Variants in USP34 observed in about 807,000 individuals in gnomAD.
The protein encoded by USP34 is ubiquitin carboxyl-terminal hydrolase 34.
Under a neutral mutation model 460.3 loss-of-function variants are expected in USP34, and 70 were observed. The ratio of observed to expected loss-of-function variants is 0.15; its 90% CI spans 0.13 to 0.19. USP34 has a LOEUF of 0.19. Among genes scored for constraint, USP34 ranks in the 10% least tolerant of loss-of-function variants. USP34 has a pLI of 1.00. For synonymous variants in USP34, 1,647 were observed against 1,405.3 expected (o/e 1.17, Z -3.85); for missense variants, 3,985 against 4,236.2 (o/e 0.94, Z 1.65).
chr2:61,331,187 A>G (rs1572941115), intron 20 of USP34, 89 bp downstream of exon 20: 3 of 1,086,268 alleles, frequency 2.8e-6, no homozygotes, highest in African/African-American at 1.6e-5. Flanking sequence ...ATTACTTATT[A>G]TATGAAAAAA....
At position 61,407,668 on chromosome 2, in the gene USP34, G is replaced by A. The variant is rs1693917887; in HGVS notation, c.132-1540C>T. Among the ~76,000 whole-genome samples the A allele has an allele frequency of 2.6e-5, 4 of 152,206 alleles. No homozygotes were observed. The South Asian group carries it at 8.3e-4, about 32-fold the overall frequency. ...TAGAAAGTGGTGGAAGTGACAATGT[G>A]TGACATCTGAGACTAGGTCATAAAA... On this transcript the variant is annotated intron_variant, in intron 2 of 79. Transcript: ENST00000398571.
intron 1 of USP34, among the ~76,000 whole-genome samples, chr2:61,456,906 G>C (rs1448721655): frequency 6.6e-6 from 1 of 152,086 alleles, no homozygotes; most frequent in East Asian, 1.9e-4. Context: ...TGGCCCACCT[G>C]GGACGTTGAG....
At chr2:61,419,429 A>C (rs1573022865) in intron 2 of USP34, among the ~76,000 whole-genome samples, 1 of 152,066 alleles carries the variant, frequency 6.6e-6, no homozygotes, top group Admixed American at 6.5e-5. Flanking sequence ...TTACTGCCTA[A>C]AACTGCACAT....
intron 1 of USP34, among the ~76,000 whole-genome samples, chr2:61,429,118 G>A (rs1168366358): frequency 1.3e-5 from 2 of 152,126 alleles, no homozygotes; most frequent in Non-Finnish European, 2.9e-5. Context: ...CTGGGCAACA[G>A]TACAAGACAC....
At chr2:61,259,330 C>T (rs974045622) in intron 44 of USP34, among the ~76,000 whole-genome samples, 5 of 151,950 alleles carry the variant, frequency 3.3e-5, no homozygotes, top group African/African-American at 9.6e-5. Context: ...CCAGTTCAAA[C>T]GAGCTCCATT....
chr2:61,201,365 G>C (rs1053260124), intron 75 of USP34, among the ~76,000 whole-genome samples: 9 of 151,894 alleles, frequency 5.9e-5, no homozygotes, highest in African/African-American at 2.2e-4. Context: ...CTACAGGCAC[G>C]TACCACCATG....
Position 61,280,277 on chromosome 2 carries a change from T to G in USP34, c.5223A>C (p.Leu1741Phe), listed in dbSNP as rs747375597. 2.1e-5 allele frequency: 33 copies of G among 1,564,500 alleles called. No homozygotes were observed. Among genetic ancestry groups the G allele is most frequent in the Non-Finnish European group, 2.7e-5 (31 of 1,156,534 alleles). ...CKEYFWLLCK[L>F]VDNIHIKDAS... is the part of the protein sequence containing the mutation. ...CGTCCTTTATATGTATGTTGTCAAC[T>G]AATTTGCATAACAACCAAAAATACT... is the stretch of plus-strand genomic sequence containing the variant. Residue 1741 changes from leucine to phenylalanine, a missense_variant, in exon 39 of 80, where the codon TTA (leucine) becomes TTC (phenylalanine). Coordinates refer to ENST00000398571, the MANE Select transcript of USP34 (RefSeq NM_014709.4).
At chr2:61,344,684 T>A (rs1476745141) in intron 15 of USP34, among the ~76,000 whole-genome samples, 1 of 152,228 alleles carries the variant, frequency 6.6e-6, no homozygotes, top group Non-Finnish European at 1.5e-5. Flanking sequence ...ATTTGCAGTG[T>A]ACCAAACTGA....
Position 61,276,958 on chromosome 2 carries a change from C to A in USP34, c.5433+1207G>T, listed in dbSNP as rs79231680. On this transcript the variant is annotated intron_variant, in intron 41 of 79. Coordinates refer to ENST00000398571, the MANE Select transcript of USP34 (RefSeq NM_014709.4). Reference sequence around the variant, plus strand: ...AAGGTAACAGCTCTCCAGACCATAACAAATTCCTACAATGACCAGGACAAA... The same window carrying A: ...AAGGTAACAGCTCTCCAGACCATAAAAAATTCCTACAATGACCAGGACAAA... Among the ~76,000 whole-genome samples, 537 of 152,268 alleles carry A rather than the reference C, an allele frequency of 3.5e-3. 2 individuals are homozygous for A. The highest frequency in any genetic ancestry group is 0.011 in the African/African-American group (446 of 41,548).
At chr2:61,435,446 T>G (rs1321384637) in intron 1 of USP34, among the ~76,000 whole-genome samples, 2 of 149,580 alleles carry the variant, frequency 1.3e-5, no homozygotes, top group East Asian at 3.9e-4. Flanking sequence ...TTAACAGAGT[T>G]AAAGTACTAA....
Position 61,241,882 on chromosome 2 carries a change from T to C in USP34, c.6628-63A>G. The C allele has an allele frequency of 5.9e-6, 5 of 854,642 alleles. No homozygotes were observed. The South Asian group carries it at 8.1e-5, about 14-fold the overall frequency. The allele number at this position is 854,642 out of a possible 1,614,324, so 52.9% of individuals were successfully genotyped here. A position where few individuals can be genotyped will look rare whatever the true frequency, so the allele number is the denominator to read the frequency against. ...ATGGGTATACTCAGCTATATTTATA[T>C]ATAAATTATTTCATAAACAGCTATT... is the stretch of plus-strand genomic sequence containing the variant. On this transcript the variant is annotated intron_variant, in intron 51 of 79. Coordinates refer to ENST00000398571, the MANE Select transcript of USP34 (RefSeq NM_014709.4).
intron 13 of USP34, 131 bp downstream of exon 13, chr2:61,349,119 A>G: frequency 8.6e-7 from 1 of 1,168,046 alleles, no homozygotes; most frequent in East Asian, 2.4e-5. Context: ...CGAATATGTT[A>G]AAGGTTTACA....
chr2:61,300,669 G>A lies in USP34; in HGVS notation c.4128+282C>T, dbSNP rs1477061742. The stretch of plus-strand genomic sequence containing the variant: ...AAATTAGCCAGGTGTGGTTGCACAC[G>A]CCGGTAATCCCAGCTACTTGGGAGG... On this transcript the variant is annotated intron_variant, in intron 29 of 79. Transcript: ENST00000398571. 7.3e-5 allele frequency among the ~76,000 whole-genome samples: 11 copies of A among 151,474 alleles called. No individual in the cohort carries two copies. In the South Asian group the frequency reaches 1.2e-3, roughly 17 times the overall value.
At chr2:61,265,684 A>G in intron 42 of USP34, 127 bp from the exon 43 acceptor site, 1 of 810,962 alleles carries the variant, frequency 1.2e-6, no homozygotes, top group Non-Finnish European at 1.7e-6. Context: ...ATTATATAGA[A>G]TTTTTTAAAT....
chr2:61,435,649 T>C (rs976843463), intron 1 of USP34, among the ~76,000 whole-genome samples: 1 of 152,104 alleles, frequency 6.6e-6, no homozygotes, highest in African/African-American at 2.4e-5. Context: ...ATGTAGTAAC[T>C]AAAAAACAAT....
intron 10 of USP34, among the ~76,000 whole-genome samples, chr2:61,353,394 GT>G (rs1028464455): frequency 5.9e-4 from 80 of 135,324 alleles, no homozygotes; most frequent in South Asian, 2.8e-3. Flanking sequence ...CTAGACGAAT[GT>G]TTTTTTTTTT....
In USP34 at chr2:61,471,015, A is replaced by G. The variant is rs1204894486; in HGVS notation, c.-323T>C. ...GGGGGCGGGTGGGGAGAGAAGCAGC[A>G]GAGTCACTTCACCGACCAGACGCCG... On this transcript the variant is annotated 5_prime_UTR_variant, in exon 1 of 80. Coordinates refer to ENST00000398571, the MANE Select transcript of USP34 (RefSeq NM_014709.4). Among the ~76,000 whole-genome samples the G allele has an allele frequency of 6.6e-6, 1 of 150,554 alleles. No individual in the cohort carries two copies. Among genetic ancestry groups the G allele is most frequent in the African/African-American group, 2.4e-5 (1 of 41,152 alleles).
chr2:61,387,305 G>A (rs201899897), intron 5 of USP34, among the ~76,000 whole-genome samples: 5 of 151,714 alleles, frequency 3.3e-5, no homozygotes, highest in Admixed American at 6.6e-5. Context: ...TCTACTAAAA[G>A]TACAAAAAAT....
At position 61,187,855 on chromosome 2, in the gene USP34, C is replaced by G; in HGVS notation, c.*247G>C. 1.6e-6 allele frequency: 2 copies of G among 1,283,132 alleles called. No individual in the cohort carries two copies. The highest frequency in any genetic ancestry group is 2.0e-6 in the Non-Finnish European group (2 of 997,594). The allele number at this position is 1,283,132 out of a possible 1,614,324, so 79.5% of individuals were successfully genotyped here. On this transcript the variant is annotated 3_prime_UTR_variant, in exon 80 of 80. Coordinates refer to ENST00000398571, the MANE Select transcript of USP34 (RefSeq NM_014709.4). ...AGACAGCCATATTAAATGAAAGCCACTAAAGTGAACTCTTAATTACATAAA... is the reference window on the plus strand; with the variant it reads ...AGACAGCCATATTAAATGAAAGCCAGTAAAGTGAACTCTTAATTACATAAA...
Sources: allele counts gnomAD v4.1 joint callset (sites outside exome capture counted in the v4.1 genomes callset), GRCh38; gene constraint gnomAD v4.1.1; transcripts MANE v1.5; gene names NCBI Gene and HGNC (gene_info 2026-07-23, HGNC 2026-07-21).